The following RYR2 variants were observed in gnomAD, a reference collection of about 807,000 sequenced individuals.
RYR2 encodes the protein ryanodine receptor 2.
RYR2 carries 227 observed loss-of-function variants against 601.1 expected under a neutral mutation model. The observed-to-expected ratio is 0.38, with a 90% CI of 0.34 to 0.42. RYR2 has a LOEUF of 0.42. RYR2 is among the 10% of genes least tolerant of loss of function. RYR2 has a pLI of 1.00. For missense variants in RYR2, 4,646 were observed against 6,156.5 expected (o/e 0.75, Z 8.21); for synonymous variants, 2,223 against 2,175.1 (o/e 1.02, Z -0.61).
chr1:237,436,547 C>T (rs1020056018), intron 12 of RYR2, among the ~76,000 whole-genome samples: 25 of 144,772 alleles, frequency 1.7e-4, no homozygotes, highest in African/African-American at 5.9e-4. Context: ...TCTCTTACCA[C>T]GTAACATTTT....
intron 44 of RYR2, among the ~76,000 whole-genome samples, chr1:237,636,598 G>A (rs1680898073): frequency 6.6e-6 from 1 of 152,240 alleles, no homozygotes; most frequent in East Asian, 1.9e-4. Context: ...TACAGCCAGT[G>A]TGGAAAGCAG....
chr1:237,618,272 A>C (rs2148618863), intron 38 of RYR2, among the ~76,000 whole-genome samples: 1 of 152,280 alleles, frequency 6.6e-6, no homozygotes, highest in African/African-American at 2.4e-5. Context: ...TTTATTGAGC[A>C]GAGAACAGGT....
Position 237,106,798 on chromosome 1 carries a change from C to T in RYR2, c.48+64229C>T, listed in dbSNP as rs2148554463. Among the ~76,000 whole-genome samples the T allele has an allele frequency of 6.6e-6, 1 of 152,272 alleles. No individual in the cohort carries two copies. The highest frequency in any genetic ancestry group is 2.4e-5 in the African/African-American group (1 of 41,554). ...GGGAAGCCCAAGATCAGAGTGCCAG[C>T]AATTTGGTGTCTGGTGAAGGCTCGC... is the stretch of plus-strand genomic sequence containing the variant. On this transcript the variant is annotated intron_variant, in intron 1 of 104. Coordinates refer to ENST00000366574, the MANE Select transcript of RYR2 (RefSeq NM_001035.3). The surrounding 1 kb of genome is among the most constrained non-coding windows in gnomAD (Gnocchi z 4.4).
intron 100 of RYR2, among the ~76,000 whole-genome samples, chr1:237,810,982 C>T (rs1440731148): frequency 2.6e-5 from 4 of 151,958 alleles, no homozygotes; most frequent in African/African-American, 9.7e-5. Context: ...AACAAGGATT[C>T]CTACAGGGGT....
intron 19 of RYR2, among the ~76,000 whole-genome samples, chr1:237,495,224 C>A (rs1180175854): frequency 6.6e-6 from 1 of 152,030 alleles, no homozygotes; most frequent in African/African-American, 2.4e-5. Context: ...GTCCATTTTC[C>A]AGGAGGATAA....
chr1:237,534,498 C>T (rs1668417878), intron 25 of RYR2, among the ~76,000 whole-genome samples: 1 of 151,978 alleles, frequency 6.6e-6, no homozygotes, highest in Admixed American at 6.5e-5. Context: ...ATGCATGAAA[C>T]ATTTATAAAA....
rs185715460 is a variant in RYR2, at chr1:237,589,915, G to C, written c.3721G>C (p.Val1241Leu). The change falls in exon 30 of 105, where the codon GTT (valine) becomes CTT (leucine). Residue 1241 changes from valine (V) to leucine (L), a missense_variant. By Grantham distance (32) the Val-to-Leu change is conservative. This residue lies in a region of RYR2 where 1,807 missense variants were observed against 2,088.1 expected (regional missense o/e 0.87). Transcript: ENST00000366574. ...ACAAGAGGGCTATGAACCATTTGCCGTTAATACAAACAGGGATATTACCAT... is the reference window on the plus strand; with the variant it reads ...ACAAGAGGGCTATGAACCATTTGCCCTTAATACAAACAGGGATATTACCAT... ...GLQEGYEPFA[V>L]NTNRDITMWL... 3 of 1,613,862 alleles carry C rather than the reference G, an allele frequency of 1.9e-6. No individual in the cohort carries two copies. The highest frequency in any genetic ancestry group is 2.5e-6 in the Non-Finnish European group (3 of 1,179,856).
chr1:237,660,741 C>T (rs1683703501), intron 55 of RYR2, 69 bp from the exon 56 acceptor site: 3 of 1,359,126 alleles, frequency 2.2e-6, no homozygotes, highest in Admixed American at 4.8e-5. Flanking sequence ...TATTTTAGAG[C>T]AAAGCGTTAC....
chr1:237,264,698 TA>T (rs1422546404), intron 1 of RYR2, among the ~76,000 whole-genome samples: 2 of 139,818 alleles, frequency 1.4e-5, no homozygotes, highest in African/African-American at 2.8e-5. Flanking sequence ...TTATTATTAT[TA>T]TTTTTTTTTT....
chr1:237,523,472 C>T (rs916510076), intron 24 of RYR2, among the ~76,000 whole-genome samples: 3 of 152,148 alleles, frequency 2.0e-5, no homozygotes, highest in Non-Finnish European at 2.9e-5. Flanking sequence ...TGGTGGCTCA[C>T]GCCTATAATT....
At chr1:237,355,398 T>G in intron 3 of RYR2, among the ~76,000 whole-genome samples, 1 of 152,160 alleles carries the variant, frequency 6.6e-6, no homozygotes, top group East Asian at 1.9e-4. Context: ...ACATAATGAT[T>G]AAGAGACTAA....
intron 100 of RYR2, among the ~76,000 whole-genome samples, chr1:237,813,589 T>G (rs1044049402): frequency 1.3e-5 from 2 of 152,190 alleles, no homozygotes; most frequent in African/African-American, 4.8e-5. Flanking sequence ...TCAGTATGCA[T>G]TTCCATTACT....
intron 10 of RYR2, among the ~76,000 whole-genome samples, chr1:237,390,276 G>A (rs911614097): frequency 2.6e-5 from 4 of 151,490 alleles, no homozygotes; most frequent in Admixed American, 2.0e-4. Context: ...ACACTGTAGA[G>A]CTTCGTGGTT....
intron 100 of RYR2, among the ~76,000 whole-genome samples, chr1:237,815,194 G>A (rs1237289405): frequency 1.3e-5 from 2 of 152,078 alleles, no homozygotes; most frequent in African/African-American, 4.8e-5. Flanking sequence ...TACTCAGATT[G>A]TCTGAAAGAA....
intron 80 of RYR2, among the ~76,000 whole-genome samples, chr1:237,743,367 T>C (rs1691785868): frequency 6.6e-6 from 1 of 152,204 alleles, no homozygotes; most frequent in South Asian, 2.1e-4. Flanking sequence ...TATTGCTGGC[T>C]GAGAAAAATG....
Position 237,433,963 on chromosome 1 carries a change from G to A in RYR2, c.1006-7356G>A, listed in dbSNP as rs150228325. On this transcript the variant is annotated intron_variant, in intron 12 of 104. Transcript: ENST00000366574. ...TGCTGGTTGACATAATTACTGTGTT[G>A]CAAATCAAGATTTATTACTGATGGA... Among the ~76,000 whole-genome samples the A allele has an allele frequency of 3.3e-3, 503 of 152,268 alleles. 3 individuals are homozygous for A. The highest frequency in any genetic ancestry group is 5.4e-3 in the Non-Finnish European group (365 of 68,004).
intron 27 of RYR2, among the ~76,000 whole-genome samples, chr1:237,563,169 A>C (rs573647837): frequency 4.6e-5 from 7 of 152,222 alleles, no homozygotes; most frequent in Admixed American, 2.6e-4. Flanking sequence ...GCACTTTGGG[A>C]GGCTGAGGCT....
chr1:237,783,454 T>C (rs1396104785), intron 89 of RYR2, among the ~76,000 whole-genome samples: 1 of 152,220 alleles, frequency 6.6e-6, no homozygotes, highest in African/African-American at 2.4e-5. Flanking sequence ...TGTTGAAATA[T>C]TTTATGTGTG....
intron 1 of RYR2, among the ~76,000 whole-genome samples, chr1:237,049,765 GAGA>G (rs1280654380): frequency 6.6e-6 from 1 of 152,150 alleles, no homozygotes; most frequent in Non-Finnish European, 1.5e-5. Context: ...AAGGAGCTAG[GAGA>G]AGAATTCTCT....
Sources: allele counts gnomAD v4.1 joint callset (sites outside exome capture counted in the v4.1 genomes callset), GRCh38; gene constraint gnomAD v4.1.1; regional missense constraint gnomAD v4.1.1; non-coding constraint Gnocchi (gnomAD v3.1); transcripts MANE v1.5; gene names NCBI Gene and HGNC (gene_info 2026-07-23, HGNC 2026-07-21).